The following MAN2A2 variants were observed in gnomAD, a reference collection of about 807,000 sequenced individuals.
MAN2A2 encodes alpha-mannosidase 2x.
Under a neutral mutation model 126.8 loss-of-function variants are expected in MAN2A2, and 79 were observed. The observed-to-expected ratio is 0.62, with a 90% confidence interval of 0.52 to 0.75. MAN2A2 has a LOEUF of 0.75. Ranked by LOEUF, MAN2A2 falls within the 30% of genes least tolerant of loss-of-function variation. The probability of loss-of-function intolerance (pLI) is 0.00; values close to 1 mark genes in which losing one functional copy is unlikely to be tolerated. For synonymous variants in MAN2A2, 671 were observed against 618.7 expected, an observed-to-expected ratio of 1.08 and a Z score of -1.25; for missense variants, 1,392 against 1,522.4, an observed-to-expected ratio of 0.91 and a Z score of 1.43.
chr15:90,912,235 C>A lies in MAN2A2; in HGVS notation c.2302C>A (p.Arg768Ser), dbSNP rs374689013. ...SGTSDFALSNRYMQVWFSGLT... is the reference protein window; with the variant it reads ...SGTSDFALSNSYMQVWFSGLT... ...CACCAGCGACTTCGCCCTCAGCAAC[C>A]GCTACATGCAGGTCTGGTTCTCAGG... Residue 768 changes from arginine (R) to serine (S), a missense_variant, in exon 15 of 23, where the codon CGC becomes AGC. Arg to Ser is a moderately radical substitution (Grantham distance 110). Coordinates refer to ENST00000559717, the MANE Select transcript of MAN2A2 (RefSeq NM_006122.4). The A allele has an allele frequency of 1.2e-6, 2 of 1,614,250 alleles. No individual in the cohort carries two copies. Among genetic ancestry groups the A allele is most frequent in the Admixed American group, 3.3e-5 (2 of 60,034 alleles).
intron 16 of MAN2A2, 91 bp from the exon 17 acceptor site, chr15:90,912,786 G>A: frequency 6.4e-7 from 1 of 1,556,694 alleles, no homozygotes; most frequent in Non-Finnish European, 8.8e-7. Context: ...GGGTGTCTGG[G>A]AATAGGTGCT....
rs768006659 is a variant in MAN2A2, at chr15:90,907,475, A to G, written c.1176A>G (p.Thr392=). ...CPWKVPPRAI[T]EANVAERAAL... ...GGAAGGTGCCACCCCGGGCCATCAC[A>G]GAGGCCAACGTGGCAGAGAGGTATC... The change falls in exon 8 of 23, where the codon ACA becomes ACG. Residue 392 remains threonine, a synonymous_variant. Coordinates refer to ENST00000559717, the MANE Select transcript of MAN2A2 (RefSeq NM_006122.4). 5.0e-6 allele frequency: 8 copies of G among 1,612,730 alleles called. No individual in the cohort carries two copies. The highest frequency in any genetic ancestry group is 6.8e-6 in the Non-Finnish European group (8 of 1,179,934).
At chr15:90,911,117 T>C in intron 12 of MAN2A2, 54 bp from the exon 13 acceptor site, 2 of 1,582,314 alleles carry the variant, frequency 1.3e-6, no homozygotes, top group South Asian at 2.2e-5. Context: ...ACAGGTGGGG[T>C]GGGAGGAGGC....
At chr15:90,914,961 G>A (rs1470599840) in intron 19 of MAN2A2, among the ~76,000 whole-genome samples, 2 of 152,236 alleles carry the variant, frequency 1.3e-5, no homozygotes, top group Non-Finnish European at 2.9e-5. Flanking sequence ...GGCATCTGAG[G>A]CCCTTGAGAT....
At chr15:90,919,215 G>A (rs1311114338) in intron 22 of MAN2A2, among the ~76,000 whole-genome samples, 1 of 152,214 alleles carries the variant, frequency 6.6e-6, no homozygotes, top group African/African-American at 2.4e-5. Flanking sequence ...GCAAATCTCA[G>A]CAAGCCCGTG....
intron 12 of MAN2A2, 103 bp downstream of exon 12, chr15:90,911,064 G>A (rs1045535114): frequency 2.0e-5 from 29 of 1,478,704 alleles, no homozygotes; most frequent in Admixed American, 1.2e-4. Context: ...TTCCCCATCC[G>A]GATGAGTTCT....
intron 19 of MAN2A2, among the ~76,000 whole-genome samples, chr15:90,914,791 T>C (rs2035037848): frequency 6.6e-6 from 1 of 152,154 alleles, no homozygotes; most frequent in African/African-American, 2.4e-5. Context: ...GTGCTGGGAT[T>C]ATAGGTGTGA....
At position 90,905,973 on chromosome 15, in the gene MAN2A2, T is replaced by C; in HGVS notation, c.664T>C (p.Trp222Arg). ...GGCAGAGGTCTCCTTCTTCGCCAAGTGGTGGGACAACATCAATGTCCAAAA... is the reference window on the plus strand; with the variant it reads ...GGCAGAGGTCTCCTTCTTCGCCAAGCGGTGGGACAACATCAATGTCCAAAA... Reference protein sequence around the residue: ...LWAEVSFFAKWWDNINVQKRA... With the variant: ...LWAEVSFFAKRWDNINVQKRA... The change falls in exon 5 of 23, where the codon TGG becomes CGG. Residue 222 changes from tryptophan to arginine, a missense_variant. Coordinates refer to ENST00000559717, the MANE Select transcript of MAN2A2 (RefSeq NM_006122.4). 6.2e-7 allele frequency: 1 copy of C among 1,613,908 alleles called. No homozygotes were observed. Among genetic ancestry groups the C allele is most frequent in the South Asian group, 1.1e-5 (1 of 91,072 alleles).
chr15:90,912,124 C>T lies in MAN2A2; in HGVS notation c.2191C>T (p.Pro731Ser), dbSNP rs758321213. ...QLGLDGHRTL[P>S]SSVRIYLHGR... is the part of the protein sequence containing the mutation. ...GGGCCTGGATGGGCACCGCACGCTGCCCTCCTCTGTGCGCATCTACCTGCA... is the reference window on the plus strand; with the variant it reads ...GGGCCTGGATGGGCACCGCACGCTGTCCTCCTCTGTGCGCATCTACCTGCA... Residue 731 changes from proline to serine, a missense_variant, in exon 15 of 23, where the codon CCC becomes TCC. Transcript: ENST00000559717. The T allele has an allele frequency of 1.2e-6, 2 of 1,613,666 alleles. No homozygotes were observed. Among genetic ancestry groups the T allele is most frequent in the East Asian group, 2.2e-5 (1 of 44,884 alleles).
chr15:90,916,551 C>A, intron 20 of MAN2A2: 1 of 1,404,086 alleles, frequency 7.1e-7, no homozygotes, highest in Non-Finnish European at 9.4e-7. Flanking sequence ...TGTGCTCCAA[C>A]CCCGCTCATC....
rs756713868 is a variant in MAN2A2 at position 90,904,289 on chromosome 15, C to T, written c.82C>T (p.Arg28Ter). 1.2e-6 allele frequency: 2 copies of T among 1,614,136 alleles called. No homozygotes were observed. The highest frequency in any genetic ancestry group is 2.2e-5 in the South Asian group (2 of 91,080). ...AVFSLYLMLD[R>*]VQHDPTRHQN... ...CTTCTCGCTCTACCTCATGCTGGAC[C>T]GAGTGCAACACGATCCCACCCGACA... Residue 28 changes from arginine (R) to a stop codon, truncating the protein, a stop_gained, in exon 2 of 23, where the codon CGA becomes TGA. Coordinates refer to ENST00000559717, the MANE Select transcript of MAN2A2 (RefSeq NM_006122.4). LOFTEE classifies it high-confidence loss of function.
chr15:90,917,302 G>A (rs1414646800), intron 20 of MAN2A2, among the ~76,000 whole-genome samples: 4 of 152,220 alleles, frequency 2.6e-5, no homozygotes, highest in Admixed American at 2.0e-4. Context: ...GATCAGGGCA[G>A]ACGGCAGAGC....
At chr15:90,916,084 G>C (rs1233926432) in intron 19 of MAN2A2, 39 bp from the exon 20 acceptor site, 2 of 1,606,926 alleles carry the variant, frequency 1.2e-6, no homozygotes, top group Admixed American at 1.7e-5. Context: ...GCCTGCTTGG[G>C]GGTGGGGGCG....
At chr15:90,915,101 A>G (rs1444710056) in intron 19 of MAN2A2, among the ~76,000 whole-genome samples, 2 of 152,166 alleles carry the variant, frequency 1.3e-5, no homozygotes, top group Non-Finnish European at 2.9e-5. Context: ...CTCTGCCAGG[A>G]GCAGCCCCTG....
rs1362328174 is a variant in MAN2A2 at position 90,907,349 on chromosome 15, C to T, written c.1050C>T (p.Pro350=). The T allele has an allele frequency of 1.9e-6, 3 of 1,614,064 alleles. No individual in the cohort carries two copies. Among genetic ancestry groups the T allele is most frequent in the African/African-American group, 1.3e-5 (1 of 74,956 alleles). Residue 350 remains proline (P), a synonymous_variant, in exon 8 of 23, where the codon CCC becomes CCT. Coordinates refer to ENST00000559717, the MANE Select transcript of MAN2A2 (RefSeq NM_006122.4). ...CAGACATCTTCTGTCACATGATGCC[C>T]TTCTACAGCTATGACGTCCCCCATA... ...SSTDIFCHMM[P]FYSYDVPHTC...
rs1326922049 is a variant in MAN2A2 at position 90,922,132 on chromosome 15, A to G, written c.*2345A>G. ...CGAAAGTCTCTGTGTGATGGAAAAC[A>G]TCAAGGTTAAAACACAAATGACAGA... is the stretch of plus-strand genomic sequence containing the variant. On this transcript the variant is annotated 3_prime_UTR_variant, in exon 23 of 23. Coordinates refer to ENST00000559717, the MANE Select transcript of MAN2A2 (RefSeq NM_006122.4). 2 of 152,248 alleles carry G rather than the reference A, an allele frequency of 1.3e-5. No individual in the cohort carries two copies. Among genetic ancestry groups the G allele is most frequent in the East Asian group, 3.8e-4 (2 of 5,208 alleles). 9.4% of individuals were successfully genotyped at this position (152,248 alleles called of 1,614,324 possible).
At position 90,913,616 on chromosome 15, in the gene MAN2A2, G is replaced by A; in HGVS notation, c.2721G>A (p.Val907=). 6.2e-7 allele frequency: 1 copy of A among 1,610,752 alleles called. No homozygotes were observed. Among genetic ancestry groups the A allele is most frequent in the Non-Finnish European group, 8.5e-7 (1 of 1,178,786 alleles). ...IFFTDLNGFQ[V]QPRRYLKKLP... ...ATCTGCTGGCCTTGCCCCCACAGGT[G>A]CAGCCCCGACGGTATCTGAAGAAGC... The change falls in exon 19 of 23, where the codon GTG becomes GTA. Residue 907 remains valine (V), a splice_region_variant and synonymous_variant. Coordinates refer to ENST00000559717, the MANE Select transcript of MAN2A2 (RefSeq NM_006122.4).
chr15:90,911,983 C>T, intron 14 of MAN2A2, 60 bp from the exon 15 acceptor site: 1 of 1,407,136 alleles, frequency 7.1e-7, no homozygotes, highest in Non-Finnish European at 9.9e-7. Context: ...TAAGCGGATG[C>T]CTCAGCACCC....
intron 18 of MAN2A2, 73 bp downstream of exon 18, chr15:90,913,479 C>G: frequency 1.9e-6 from 3 of 1,576,208 alleles, no homozygotes; most frequent in Non-Finnish European, 2.6e-6. Flanking sequence ...CTGTCACAGG[C>G]CCTGGGGGAT....
Sources: gnomAD v4.1 joint callset for allele counts (sites outside exome capture counted in the v4.1 genomes callset) on GRCh38, gnomAD v4.1.1 for gene constraint, MANE v1.5 for transcripts, NCBI Gene and HGNC (gene_info 2026-07-23, HGNC 2026-07-21) for gene names.